TP53BP2: variants seen among roughly 807,000 people sequenced by gnomAD.
TP53BP2 encodes the protein apoptosis-stimulating of p53 protein 2.
A neutral mutation model predicts 126.2 loss-of-function variants in TP53BP2; 62 were observed. That is an observed-to-expected ratio of 0.49 (90% confidence interval 0.40 to 0.61). TP53BP2 has a LOEUF of 0.61. TP53BP2 is among the 20% of genes least tolerant of loss of function. The pLI is 0.00. For synonymous variants in TP53BP2, 485 were observed against 502.9 expected, an observed-to-expected ratio of 0.96 and a Z score of 0.48; for missense variants, 1,215 against 1,402.8, an observed-to-expected ratio of 0.87 and a Z score of 2.14.
At chr1:223,783,451 C>T (rs1661839204) in intron 17 of TP53BP2, among the ~76,000 whole-genome samples, 3 of 152,194 alleles carry the variant, frequency 2.0e-5, no homozygotes, top group Non-Finnish European at 4.4e-5. Context: ...CTCAATCTCT[C>T]GATTACCCTG....
In TP53BP2 at chr1:223,811,475, T is replaced by G. The variant is rs544766282; in HGVS notation, c.290-962A>C. The stretch of plus-strand genomic sequence containing the variant: ...ATATGATCAGCTTTTATTTTTAAAA[T>G]GCAGCTCAATTATCTGGCAAAATAG... On this transcript the variant is annotated intron_variant, in intron 3 of 17. Coordinates refer to ENST00000343537, the MANE Select transcript of TP53BP2 (RefSeq NM_001031685.3). 1.7e-3 allele frequency among the ~76,000 whole-genome samples: 263 copies of G among 152,304 alleles called. 2 individuals carry two copies. Among genetic ancestry groups the G allele is most frequent in the South Asian group, 0.012 (60 of 4,828 alleles).
intron 1 of TP53BP2, among the ~76,000 whole-genome samples, chr1:223,842,202 T>C (rs1230143853): frequency 1.3e-5 from 2 of 152,204 alleles, no homozygotes; most frequent in African/African-American, 4.8e-5. Flanking sequence ...CCTCCCAAAG[T>C]GCTGGGATTA....
At chr1:223,821,143 C>T in intron 2 of TP53BP2, 77 bp downstream of exon 2, 1 of 1,576,500 alleles carries the variant, frequency 6.3e-7, no homozygotes, top group Non-Finnish European at 8.7e-7. Flanking sequence ...CATGAGCATT[C>T]ACACAGTGCC....
intron 4 of TP53BP2, among the ~76,000 whole-genome samples, chr1:223,807,795 T>C (rs899442080): frequency 6.6e-6 from 1 of 152,004 alleles, no homozygotes; most frequent in Non-Finnish European, 1.5e-5. Flanking sequence ...TGAAAGAAAA[T>C]GCAAATAAAT....
intron 2 of TP53BP2, chr1:223,818,253 C>CT (rs1663161959): frequency 6.6e-6 from 1 of 152,316 alleles, no homozygotes; most frequent in South Asian, 2.1e-4. Flanking sequence ...ACCTGTAATC[C>CT]AGCACTTTGG....
At chr1:223,783,485 C>T (rs1661840498) in intron 17 of TP53BP2, among the ~76,000 whole-genome samples, 1 of 152,200 alleles carries the variant, frequency 6.6e-6, no homozygotes. Flanking sequence ...CTCTTTCATA[C>T]ACCCTCCATG....
intron 1 of TP53BP2, among the ~76,000 whole-genome samples, chr1:223,833,618 T>C (rs1663818297): frequency 6.6e-6 from 1 of 152,186 alleles, no homozygotes; most frequent in Non-Finnish European, 1.5e-5. Context: ...CCACTTCATA[T>C]ACATGAATAG....
At chr1:223,815,520 A>G (rs1033951745) in intron 2 of TP53BP2, among the ~76,000 whole-genome samples, 1 of 152,216 alleles carries the variant, frequency 6.6e-6, no homozygotes, top group African/African-American at 2.4e-5. Flanking sequence ...AGGTTCCAGG[A>G]GCAAAGAGAG....
In TP53BP2 at chr1:223,839,638, A is replaced by C. The variant is rs570114814; in HGVS notation, c.27+6016T>G. On this transcript the variant is annotated intron_variant, in intron 1 of 17. Transcript: ENST00000343537. ...TAAGTTATAAATCTGTATCCAGAAA[A>C]ACAACTGAAGTGAAAGTTCGGCCAA... Among the ~76,000 whole-genome samples the C allele has an allele frequency of 5.3e-5, 8 of 152,304 alleles. No individual in the cohort carries two copies. The East Asian group carries it at 1.2e-3, about 22-fold the overall frequency.
chr1:223,800,911 TCC>T, intron 9 of TP53BP2, 101 bp from the exon 10 acceptor site: 1 of 751,242 alleles, frequency 1.3e-6, no homozygotes, highest in South Asian at 1.8e-5. Context: ...AGCTTTAAAT[TCC>T]AGACTCACAA....
chr1:223,793,255 G>C (rs778432898), intron 14 of TP53BP2, 48 bp downstream of exon 14: 1 of 1,391,542 alleles, frequency 7.2e-7, no homozygotes, highest in Non-Finnish European at 9.6e-7. Flanking sequence ...CTGGATGACA[G>C]AGCGAGACTC....
At chr1:223,792,225 CAT>C (rs558425284) in intron 15 of TP53BP2, among the ~76,000 whole-genome samples, 162 bp downstream of exon 15, 8 of 152,174 alleles carry the variant, frequency 5.3e-5, no homozygotes, top group Non-Finnish European at 8.8e-5. Flanking sequence ...TACATGAACA[CAT>C]GTTAATTCCT....
At chr1:223,817,202 G>A (rs1390329865) in intron 2 of TP53BP2, among the ~76,000 whole-genome samples, 1 of 139,696 alleles carries the variant, frequency 7.2e-6, no homozygotes, top group African/African-American at 2.7e-5. Context: ...ACTGCATGTG[G>A]AGGAGGGGGA....
chr1:223,802,784 TC>T lies in TP53BP2; in HGVS notation c.942del (p.Arg315GlyfsTer39). ...VAVMDKRVNE[L>X]RDRLWKKKAA... ...GCCTTCTTCTTCCACAGCCGGTCCC[TC>T]AGCTCATTAACACGCTTATCCATGA... On this transcript the variant is annotated frameshift_variant, in exon 8 of 18. Coordinates refer to ENST00000343537, the MANE Select transcript of TP53BP2 (RefSeq NM_001031685.3). LOFTEE classifies it high-confidence loss of function. 6.2e-7 allele frequency: 1 copy of T among 1,614,202 alleles called. No individual in the cohort carries two copies. The highest frequency in any genetic ancestry group is 8.5e-7 in the Non-Finnish European group (1 of 1,180,022).
chr1:223,802,494 T>C (rs1662562068), intron 8 of TP53BP2, 150 bp from the exon 9 acceptor site: 1 of 874,742 alleles, frequency 1.1e-6, no homozygotes, highest in South Asian at 1.8e-5. Flanking sequence ...AAATAAACAC[T>C]CCCCAATGAA....
rs755636787 is a variant in TP53BP2, at chr1:223,796,539, T to C, written c.2000A>G (p.Glu667Gly). 4 of 1,613,932 alleles carry C rather than the reference T, an allele frequency of 2.5e-6. No homozygotes were observed. The highest frequency in any genetic ancestry group is 1.7e-4 in the Middle Eastern group (1 of 6,034). ...GCCCTGGCTATTGGAATAAATGTTC[T>C]CTGGGTGCTGCTGTTGATTCTGGGC... The part of the protein sequence containing the change: ...AAAQNQQQHP[E>G]NIYSNSQGKP... Residue 667 changes from glutamate (E) to glycine (G), a missense_variant, in exon 13 of 18, where the codon GAG (glutamate) becomes GGG (glycine). Physicochemically the swap from Glu to Gly is moderately conservative, Grantham distance 98. Around this residue, in one of 4 missense-constraint regions of TP53BP2, gnomAD observed 814 missense variants for 853.0 expected, o/e 0.95. Coordinates refer to ENST00000343537, the MANE Select transcript of TP53BP2 (RefSeq NM_001031685.3). The surrounding 1 kb of genome is among the most constrained non-coding windows in gnomAD (Gnocchi z 4.2).
intron 10 of TP53BP2, 98 bp from the exon 11 acceptor site, chr1:223,800,145 T>C: frequency 7.7e-7 from 1 of 1,306,462 alleles, no homozygotes; most frequent in Non-Finnish European, 1.0e-6. Context: ...TGAAAATCTG[T>C]GTCCACAAAG....
chr1:223,823,816 G>A (rs1285207756), intron 1 of TP53BP2, among the ~76,000 whole-genome samples: 3 of 152,118 alleles, frequency 2.0e-5, no homozygotes, highest in Non-Finnish European at 4.4e-5. Flanking sequence ...ACTCCCTACC[G>A]ATGCAAAAAC....
chr1:223,815,172 C>T (rs962325117), intron 2 of TP53BP2, among the ~76,000 whole-genome samples: 1 of 152,162 alleles, frequency 6.6e-6, no homozygotes, highest in African/African-American at 2.4e-5. Flanking sequence ...AAACTCAACA[C>T]ATTTATCAGT....
Sources: gnomAD v4.1 joint callset for allele counts (sites outside exome capture counted in the v4.1 genomes callset) on GRCh38, gnomAD v4.1.1 for gene constraint, gnomAD v4.1.1 regional missense constraint, Gnocchi (gnomAD v3.1) non-coding constraint, MANE v1.5 for transcripts, NCBI Gene and HGNC (gene_info 2026-07-23, HGNC 2026-07-21) for gene names.